Variants in CHCHD4 observed in about 807,000 individuals in gnomAD.
The protein encoded by CHCHD4 is coiled-coil-helix-coiled-coil-helix domain containing 4.
In CHCHD4, 7 loss-of-function variants were observed where a neutral mutation model predicts 12.4. The ratio of observed to expected loss-of-function variants is 0.57; its 90% confidence interval spans 0.32 to 1.06. CHCHD4 has a LOEUF of 1.06. Ranked by LOEUF, CHCHD4 falls within the 50% of genes least tolerant of loss-of-function variation. The probability of loss-of-function intolerance (pLI) is 0.04; values close to 1 mark genes in which losing one functional copy is unlikely to be tolerated. For missense variants in CHCHD4, 143 were observed against 175.1 expected (o/e 0.82, Z 1.03); for synonymous variants, 56 against 58.0 (o/e 0.97, Z 0.16).
Position 14,112,769 on chromosome 3 carries a change from A to G in CHCHD4, c.*118T>C, listed in dbSNP as rs1694834455. 1 of 933,258 alleles carries G rather than the reference A, an allele frequency of 1.1e-6. No individual in the cohort carries two copies. Among genetic ancestry groups the G allele is most frequent in the African/African-American group, 1.7e-5 (1 of 60,238 alleles). The allele number at this position is 933,258 out of a possible 1,614,324, so 57.8% of individuals were successfully genotyped here. ...AGACCTCTGATCATCAAAATAAGTT[A>G]TTTTGTATATTATAATGCACAGGAC... On this transcript the variant is annotated 3_prime_UTR_variant, in exon 3 of 3. Coordinates refer to ENST00000396914, the MANE Select transcript of CHCHD4 (RefSeq NM_001098502.2).
At chr3:14,122,103 G>T in intron 1 of CHCHD4, 1 of 1,567,542 alleles carries the variant, frequency 6.4e-7, no homozygotes. Context: ...GGCAAAAGGA[G>T]GGTTTTAAGT....
chr3:14,124,624 G>A (rs1400270026), intron 1 of CHCHD4, 31 bp downstream of exon 1: 2 of 1,502,526 alleles, frequency 1.3e-6, no homozygotes, highest in Non-Finnish European at 1.8e-6. Context: ...GCCCTCGTAG[G>A]CCGGTCTCCG....
chr3:14,112,131 C>T lies in CHCHD4; in HGVS notation c.*756G>A, dbSNP rs1003284531. On this transcript the variant is annotated 3_prime_UTR_variant, in exon 3 of 3. Transcript: ENST00000396914. ...GAATACTTAATTCACAACGTTTCCT[C>T]TCTTGCTGCTACTCTGGTAATAATT... 9.2e-5 allele frequency: 14 copies of T among 152,228 alleles called. No individual in the cohort carries two copies. Among genetic ancestry groups the T allele is most frequent in the African/African-American group, 3.1e-4 (13 of 41,452 alleles). The allele number at this position is 152,228 out of a possible 1,614,324, so 9.4% of individuals were successfully genotyped here. A position where few individuals can be genotyped will look rare whatever the true frequency, so the allele number is the denominator to read the frequency against.
chr3:14,121,603 C>G (rs1242444657), intron 1 of CHCHD4, among the ~76,000 whole-genome samples: 1 of 152,192 alleles, frequency 6.6e-6, no homozygotes, highest in Non-Finnish European at 1.5e-5. Context: ...GCACTAAGGA[C>G]TTATTTTCTT....
At chr3:14,121,491 T>C (rs555154836) in intron 1 of CHCHD4, among the ~76,000 whole-genome samples, 1 of 152,208 alleles carries the variant, frequency 6.6e-6, no homozygotes. Flanking sequence ...ATCTCTCAGC[T>C]CATCCACCCC....
In CHCHD4 at chr3:14,124,749, T is replaced by C; in HGVS notation, c.-73A>G. ...CTGCACCTTTACGCCGTGACCTCCC[T>C]CTCCTCTGGCAGGGCGGGCTCCTCC... On this transcript the variant is annotated 5_prime_UTR_variant, in exon 1 of 3. Coordinates refer to ENST00000396914, the MANE Select transcript of CHCHD4 (RefSeq NM_001098502.2). 1.4e-6 allele frequency: 2 copies of C among 1,465,140 alleles called. No individual in the cohort carries two copies. Among genetic ancestry groups the C allele is most frequent in the Non-Finnish European group, 1.8e-6 (2 of 1,097,214 alleles). 90.8% of individuals were successfully genotyped at this position (1,465,140 alleles called of 1,614,324 possible). A position where few individuals can be genotyped will look rare whatever the true frequency, so the allele number is the denominator to read the frequency against.
intron 1 of CHCHD4, 117 bp from the exon 2 acceptor site, chr3:14,116,641 T>C: frequency 1.3e-6 from 1 of 758,498 alleles, no homozygotes; most frequent in South Asian, 1.4e-5. Flanking sequence ...GCCATCCCTA[T>C]GTGAGGTGAC....
chr3:14,114,639 A>G (rs540894217), intron 2 of CHCHD4, among the ~76,000 whole-genome samples: 1 of 152,320 alleles, frequency 6.6e-6, no homozygotes, highest in African/African-American at 2.4e-5. Context: ...ACAACCCAGT[A>G]CAAATTGACC....
chr3:14,116,081 C>T (rs905340124), intron 2 of CHCHD4, among the ~76,000 whole-genome samples: 2 of 152,212 alleles, frequency 1.3e-5, no homozygotes, highest in South Asian at 4.1e-4. Flanking sequence ...AGGTGAATGA[C>T]TGTCTACTTG....
intron 1 of CHCHD4, among the ~76,000 whole-genome samples, chr3:14,122,510 C>G (rs772217369): frequency 6.6e-6 from 1 of 152,220 alleles, no homozygotes; most frequent in African/African-American, 2.4e-5. Flanking sequence ...GGCCCAGGTG[C>G]GAGGCTGAGA....
At chr3:14,115,691 C>G (rs749352946) in intron 2 of CHCHD4, among the ~76,000 whole-genome samples, 1 of 152,182 alleles carries the variant, frequency 6.6e-6, no homozygotes, top group African/African-American at 2.4e-5. Context: ...ATTCTCGAGG[C>G]GGCTGCTTCA....
At chr3:14,121,938 G>A (rs780032783) in intron 1 of CHCHD4, 1 of 1,614,018 alleles carries the variant, frequency 6.2e-7, no homozygotes, top group Non-Finnish European at 8.5e-7. Context: ...CCAGCTCTGT[G>A]GTAGTACCTG....
At chr3:14,118,695 T>A (rs1694900944) in intron 1 of CHCHD4, among the ~76,000 whole-genome samples, 1 of 152,250 alleles carries the variant, frequency 6.6e-6, no homozygotes, top group African/African-American at 2.4e-5. Flanking sequence ...CCCCTGTGGC[T>A]GACTGGGGAA....
chr3:14,118,617 A>C (rs1694900499), intron 1 of CHCHD4, among the ~76,000 whole-genome samples: 1 of 152,220 alleles, frequency 6.6e-6, no homozygotes, highest in Non-Finnish European at 1.5e-5. Context: ...AACCCACTGG[A>C]GGCTTTTGCT....
In CHCHD4 at chr3:14,124,822, T is replaced by C. The variant is rs958481727; in HGVS notation, c.-146A>G. ...CTCCCAGGCCTGCCCGCCGCGCGCC[T>C]GCCTCGGCGCCCTCGCAACCGCGGC... On this transcript the variant is annotated 5_prime_UTR_variant, in exon 1 of 3. Coordinates refer to ENST00000396914, the MANE Select transcript of CHCHD4 (RefSeq NM_001098502.2). The C allele has an allele frequency of 1.1e-5, 11 of 976,174 alleles. No individual in the cohort carries two copies. Among genetic ancestry groups the C allele is most frequent in the African/African-American group, 6.6e-5 (4 of 60,360 alleles). 60.5% of individuals were successfully genotyped at this position (976,174 alleles called of 1,614,324 possible). A position where few individuals can be genotyped will look rare whatever the true frequency, so the allele number is the denominator to read the frequency against.
intron 2 of CHCHD4, among the ~76,000 whole-genome samples, chr3:14,115,913 C>CAGCCAT (rs1694871687): frequency 6.6e-6 from 1 of 152,220 alleles, no homozygotes; most frequent in South Asian, 2.1e-4. Flanking sequence ...TAAGCGACCA[C>CAGCCAT]TGTTATATTC....
At chr3:14,113,627 C>A (rs536838482) in intron 2 of CHCHD4, among the ~76,000 whole-genome samples, 3 of 152,132 alleles carry the variant, frequency 2.0e-5, no homozygotes, top group Non-Finnish European at 4.4e-5. Flanking sequence ...ATGCTCCCTG[C>A]CCCCCTGAGC....
At chr3:14,115,164 A>G (rs1253340950) in intron 2 of CHCHD4, among the ~76,000 whole-genome samples, 2 of 152,166 alleles carry the variant, frequency 1.3e-5, no homozygotes, top group Admixed American at 1.3e-4. Context: ...TGCGTTTTAT[A>G]GGCTTCTTTT....
At position 14,112,805 on chromosome 3, in the gene CHCHD4, A is replaced by G; in HGVS notation, c.*82T>C. 1 of 1,301,674 alleles carries G rather than the reference A, an allele frequency of 7.7e-7. No individual in the cohort carries two copies. The highest frequency in any genetic ancestry group is 1.1e-6 in the Non-Finnish European group (1 of 944,596). The allele number at this position is 1,301,674 out of a possible 1,614,324, so 80.6% of individuals were successfully genotyped here. A position where few individuals can be genotyped will look rare whatever the true frequency, so the allele number is the denominator to read the frequency against. On this transcript the variant is annotated 3_prime_UTR_variant, in exon 3 of 3. Transcript: ENST00000396914. Reference sequence around the variant, plus strand: ...TATAATGCACAGGACAACAGAAGGAAACTTTCTTGGAAGGTGATGACAAGG... The same window carrying G: ...TATAATGCACAGGACAACAGAAGGAGACTTTCTTGGAAGGTGATGACAAGG...
Sources: allele counts gnomAD v4.1 joint callset (sites outside exome capture counted in the v4.1 genomes callset), GRCh38; gene constraint gnomAD v4.1.1; transcripts MANE v1.5; gene names NCBI Gene and HGNC (gene_info 2026-07-23, HGNC 2026-07-21).